Variants in OCIAD2 observed in about 807,000 individuals in gnomAD.
OCIAD2 encodes OCIA domain-containing protein 2.
A neutral mutation model predicts 22.9 loss-of-function variants in OCIAD2; 29 were observed. The observed-to-expected ratio is 1.27, with a 90% confidence interval of 0.94 to 1.73. The LOEUF (loss-of-function observed/expected upper bound fraction) is 1.73, where lower values mean the gene tolerates loss of function less well. Ranked by LOEUF, OCIAD2 falls within the 40% of genes most tolerant of loss-of-function variation. OCIAD2 has a pLI of 0.00. For synonymous variants in OCIAD2, 67 were observed against 60.2 expected (o/e 1.11, Z -0.52); for missense variants, 189 against 180.3 (o/e 1.05, Z -0.28).
At chr4:48,899,501 G>C (rs1197890535) in intron 3 of OCIAD2, among the ~76,000 whole-genome samples, 2 of 152,142 alleles carry the variant, frequency 1.3e-5, no homozygotes, top group Non-Finnish European at 1.5e-5. Context: ...GAAACTTAGA[G>C]TCTGGTAGAA....
At chr4:48,903,911 C>T (rs1237245275) in intron 2 of OCIAD2, among the ~76,000 whole-genome samples, 1 of 151,840 alleles carries the variant, frequency 6.6e-6, no homozygotes, top group Non-Finnish European at 1.5e-5. Context: ...TCCCAAAGTG[C>T]TGGGATTACA....
chr4:48,898,837 T>G (rs1331187236), intron 3 of OCIAD2, among the ~76,000 whole-genome samples: 1 of 152,188 alleles, frequency 6.6e-6, no homozygotes, highest in Non-Finnish European at 1.5e-5. Context: ...ATGACTTCTT[T>G]CAAAAGCAGA....
chr4:48,885,529 CT>C lies in OCIAD2; in HGVS notation c.419del (p.Lys140SerfsTer4). On this transcript the variant is annotated frameshift_variant, in exon 7 of 7. Coordinates refer to ENST00000508632, the MANE Select transcript of OCIAD2 (RefSeq NM_001014446.3). LOFTEE classifies it high-confidence loss of function. ...CLLTCEECKIKHGLSEKGDSQ... is the reference protein window; with the variant it reads ...CLLTCEECKIXHGLSEKGDSQ... ...AGTCTCCCTTCTCACTTAATCCATGCTTTATTTTGCATTCCTCACAGGTAAG... is the reference window on the plus strand; with the variant it reads ...AGTCTCCCTTCTCACTTAATCCATGCTTATTTTGCATTCCTCACAGGTAAG... The C allele has an allele frequency of 6.2e-7, 1 of 1,611,504 alleles. No individual in the cohort carries two copies. The highest frequency in any genetic ancestry group is 8.5e-7 in the Non-Finnish European group (1 of 1,177,580).
At chr4:48,892,932 A>G in intron 5 of OCIAD2, 43 bp from the exon 6 acceptor site, 1 of 982,782 alleles carries the variant, frequency 1.0e-6, no homozygotes, top group Non-Finnish European at 1.5e-6. Flanking sequence ...AATCTTCTCC[A>G]TTAGTTATTT....
intron 2 of OCIAD2, among the ~76,000 whole-genome samples, chr4:48,902,259 A>G (rs1318547028): frequency 6.6e-6 from 1 of 152,102 alleles, no homozygotes; most frequent in African/African-American, 2.4e-5. Context: ...TGTCTTTTTT[A>G]GACTCTTTCT....
intron 3 of OCIAD2, 26 bp from the exon 4 acceptor site, chr4:48,897,883 A>G: frequency 1.3e-6 from 2 of 1,589,382 alleles, no homozygotes; most frequent in Non-Finnish European, 1.7e-6. Context: ...GTCCTTCAAT[A>G]TTGGTATTTT....
At chr4:48,893,677 G>C (rs1781231672) in intron 5 of OCIAD2, 1 of 173,254 alleles carries the variant, frequency 5.8e-6, no homozygotes, top group South Asian at 1.9e-4. Context: ...CTAAGAAGAA[G>C]TCCCAACTGC....
At chr4:48,903,794 A>T (rs1025688284) in intron 2 of OCIAD2, among the ~76,000 whole-genome samples, 2 of 151,750 alleles carry the variant, frequency 1.3e-5, no homozygotes, top group Non-Finnish European at 2.9e-5. Flanking sequence ...TACAGGCACC[A>T]GCCACCATGC....
chr4:48,904,336 G>A (rs1322979331), intron 2 of OCIAD2, 148 bp downstream of exon 2: 3 of 743,208 alleles, frequency 4.0e-6, no homozygotes, highest in Non-Finnish European at 7.0e-6. Context: ...TGTCATCCCA[G>A]TTAAGTGAGA....
chr4:48,904,161 A>T (rs1781476800), intron 2 of OCIAD2, among the ~76,000 whole-genome samples: 1 of 151,958 alleles, frequency 6.6e-6, no homozygotes, highest in Non-Finnish European at 1.5e-5. Flanking sequence ...TGCAATTAAA[A>T]GTATACCTGA....
chr4:48,888,741 T>C (rs938443028), intron 6 of OCIAD2, among the ~76,000 whole-genome samples: 1 of 152,202 alleles, frequency 6.6e-6, no homozygotes, highest in African/African-American at 2.4e-5. Flanking sequence ...GGTTTGCCAG[T>C]AGTCTATTGA....
intron 4 of OCIAD2, among the ~76,000 whole-genome samples, chr4:48,895,064 C>CTT (rs1383424525): frequency 1.3e-5 from 2 of 152,118 alleles, no homozygotes; most frequent in African/African-American, 4.8e-5. Context: ...ATGTTGCTGA[C>CTT]TTTACAGTCA....
At chr4:48,905,679 A>G (rs1489529408) in intron 1 of OCIAD2, among the ~76,000 whole-genome samples, 1 of 152,072 alleles carries the variant, frequency 6.6e-6, no homozygotes, top group Non-Finnish European at 1.5e-5. Flanking sequence ...TCTTATATAC[A>G]ATTCTGTTTC....
chr4:48,892,535 A>C (rs1209192753), intron 6 of OCIAD2, among the ~76,000 whole-genome samples: 1 of 152,240 alleles, frequency 6.6e-6, no homozygotes, highest in African/African-American at 2.4e-5. Flanking sequence ...AGTAACTTGC[A>C]CAATGTTTGA....
At chr4:48,893,600 G>T (rs914763827) in intron 5 of OCIAD2, 1 of 154,446 alleles carries the variant, frequency 6.5e-6, no homozygotes, top group African/African-American at 2.4e-5. Flanking sequence ...ATCATGCAGA[G>T]GCTCTGCTAT....
intron 6 of OCIAD2, among the ~76,000 whole-genome samples, chr4:48,890,721 T>C (rs1781146112): frequency 6.6e-6 from 1 of 152,208 alleles, no homozygotes; most frequent in Non-Finnish European, 1.5e-5. Context: ...AACAAACATT[T>C]ACTGCTATGA....
intron 2 of OCIAD2, among the ~76,000 whole-genome samples, chr4:48,900,222 C>G (rs564425668): frequency 6.6e-5 from 10 of 152,312 alleles, no homozygotes; most frequent in African/African-American, 2.4e-4. Flanking sequence ...GGCCACATTT[C>G]CTTCCCTACC....
At chr4:48,890,870 C>T (rs1403292823) in intron 6 of OCIAD2, among the ~76,000 whole-genome samples, 1 of 152,060 alleles carries the variant, frequency 6.6e-6, no homozygotes, top group Non-Finnish European at 1.5e-5. Context: ...ATTGTAAAAC[C>T]CTGAAGACAT....
intron 5 of OCIAD2, 144 bp downstream of exon 5, chr4:48,893,862 A>G: frequency 2.6e-6 from 1 of 378,990 alleles, no homozygotes; most frequent in Non-Finnish European, 4.8e-6. Context: ...TTTTTAAAAA[A>G]ATAGATACAA....
Sources: gnomAD v4.1 joint callset for allele counts (sites outside exome capture counted in the v4.1 genomes callset) on GRCh38, gnomAD v4.1.1 for gene constraint, MANE v1.5 for transcripts, NCBI Gene and HGNC (gene_info 2026-07-23, HGNC 2026-07-21) for gene names.